PLCH2: variants seen among roughly 807,000 people sequenced by gnomAD.
PLCH2 encodes 1-phosphatidylinositol 4,5-bisphosphate phosphodiesterase eta-2.
PLCH2 carries 98 observed loss-of-function variants against 134.7 expected under a neutral mutation model. The observed-to-expected ratio is 0.73, with a 90% CI of 0.62 to 0.86. The LOEUF (loss-of-function observed/expected upper bound fraction) is 0.86. Among genes scored for constraint, PLCH2 ranks in the 40% least tolerant of loss-of-function variants. The probability of loss-of-function intolerance (pLI) is 0.00; values close to 1 mark genes in which losing one functional copy is unlikely to be tolerated. For synonymous variants in PLCH2, 974 were observed against 827.5 expected (o/e 1.18, Z -3.04); for missense variants, 1,994 against 1,986.6 (o/e 1.00, Z -0.07).
Position 2,498,161 on chromosome 1 carries a change from C to T in PLCH2, c.2225-362C>T. ...GTGGACCAGCTACTTCCACCTCTGC[C>T]CTTGGCTTGCCCTCCTCAGAGTTCT... On this transcript the variant is annotated intron_variant, in intron 16 of 21. Transcript: ENST00000378486. The surrounding 1 kb of genome is among the most constrained non-coding windows in gnomAD (Gnocchi z 5.4). 3.4e-6 allele frequency: 1 copy of T among 297,564 alleles called. No individual in the cohort carries two copies. Among genetic ancestry groups the T allele is most frequent in the Non-Finnish European group, 6.3e-6 (1 of 158,234 alleles). 18.4% of individuals were successfully genotyped at this position (297,564 alleles called of 1,614,324 possible).
Position 2,496,988 on chromosome 1 carries a change from C to T in PLCH2, c.2094C>T (p.Phe698=), listed in dbSNP as rs188411160. 442 of 1,613,240 alleles carry T rather than the reference C, an allele frequency of 2.7e-4. 1 individual carries two copies. The African/African-American group carries it at 5.3e-3, about 19-fold the overall frequency. ...VDSSNYNPQP[F]WNAGCQMVAL... ...CCAGCAACTACAACCCGCAGCCCTT[C>T]TGGAACGCCGGCTGCCAAATGGGTG... The change falls in exon 15 of 22, where the codon TTC becomes TTT. Residue 698 remains phenylalanine, a synonymous_variant. Coordinates refer to ENST00000378486, the MANE Select transcript of PLCH2 (RefSeq NM_014638.4).
upstream of PLCH2, among the ~76,000 whole-genome samples, chr1:2,475,140 C>T (rs542846195): frequency 1.3e-5 from 2 of 152,330 alleles, no homozygotes; most frequent in East Asian, 3.9e-4. Flanking sequence ...CAGTGGTCAG[C>T]TGGAGACGCA....
At chr1:2,420,979 GTCTC>G (rs1473732135), upstream of PLCH2, among the ~76,000 whole-genome samples, 1 of 148,324 alleles carries the variant, frequency 6.7e-6, no homozygotes, top group Non-Finnish European at 1.5e-5. Flanking sequence ...TTGAGACAGA[GTCTC>G]ACCCAGGCTG....
At chr1:2,421,997 G>A (rs1271600485), upstream of PLCH2, among the ~76,000 whole-genome samples, 2 of 136,750 alleles carry the variant, frequency 1.5e-5, no homozygotes, top group East Asian at 2.3e-4. Context: ...AAGGCCAGGC[G>A]CAGTGGCTCA....
intron 4 of PLCH2, 85 bp from the exon 5 acceptor site, chr1:2,484,363 T>G: frequency 7.4e-7 from 1 of 1,357,862 alleles, no homozygotes; most frequent in Non-Finnish European, 1.0e-6. Context: ...TGGTCTTGAC[T>G]GGGGAGTGGG....
At chr1:2,501,697 C>T (rs1402375942) in intron 20 of PLCH2, 3 of 182,346 alleles carry the variant, frequency 1.6e-5, no homozygotes, top group East Asian at 2.7e-4. Flanking sequence ...GGGAGTGCCA[C>T]GCCAGTGTCC....
intron 5 of PLCH2, 58 bp from the exon 6 acceptor site, chr1:2,486,849 T>A (rs976698373): frequency 9.4e-6 from 13 of 1,378,562 alleles, no homozygotes; most frequent in Non-Finnish European, 1.3e-5. Flanking sequence ...GGGAGCTGCC[T>A]GAGGCTATCC....
intron 2 of PLCH2, among the ~76,000 whole-genome samples, chr1:2,452,316 C>T (rs1299684395): frequency 6.6e-6 from 1 of 152,156 alleles, no homozygotes; most frequent in African/African-American, 2.4e-5. Context: ...CCCTGCCTGG[C>T]AGGTAGCAGC....
intron 20 of PLCH2, chr1:2,500,749 TG>T (rs1364463790): frequency 6.6e-6 from 1 of 151,686 alleles, no homozygotes; most frequent in African/African-American, 2.4e-5. Flanking sequence ...AGGGTTCAGC[TG>T]GGTGGCCGCC....
chr1:2,458,140 G>A (rs1199017815), intron 2 of PLCH2, among the ~76,000 whole-genome samples: 1 of 152,186 alleles, frequency 6.6e-6, no homozygotes, highest in Non-Finnish European at 1.5e-5. Context: ...AGCTCTGACA[G>A]CACAGGGAAG....
At position 2,504,840 on chromosome 1, in the gene PLCH2, G is replaced by A. The variant is rs755350198; in HGVS notation, c.3878G>A (p.Gly1293Glu). 1 of 1,605,850 alleles carries A rather than the reference G, an allele frequency of 6.2e-7. No homozygotes were observed. Among genetic ancestry groups the A allele is most frequent in the South Asian group, 1.1e-5 (1 of 90,496 alleles). ...PGGTRRVSGP[G>E]VRRDTLTEQL... The stretch of plus-strand genomic sequence containing the variant: ...GGGACACGGCGGGTGTCGGGGCCAG[G>A]GGTGAGACGGGACACCCTGACAGAG... The change falls in exon 22 of 22, where the codon GGG becomes GAG. Residue 1293 changes from glycine to glutamate, a missense_variant. Coordinates refer to ENST00000378486, the MANE Select transcript of PLCH2 (RefSeq NM_014638.4).
At chr1:2,472,654 C>T (rs1194493720), upstream of PLCH2, among the ~76,000 whole-genome samples, 1 of 152,168 alleles carries the variant, frequency 6.6e-6, no homozygotes, top group African/African-American at 2.4e-5. Flanking sequence ...AGGCACAGCC[C>T]TGTGGGGGCT....
chr1:2,499,588 G>T, intron 19 of PLCH2, 53 bp from the exon 20 acceptor site: 1 of 1,333,196 alleles, frequency 7.5e-7, no homozygotes, highest in East Asian at 2.5e-5. Context: ...CAGAGCAGGT[G>T]GGGGCCCTGG....
Position 2,484,458 on chromosome 1 carries a change from C to G in PLCH2, c.656C>G (p.Thr219Arg), listed in dbSNP as rs368105340. 1.2e-6 allele frequency: 2 copies of G among 1,613,168 alleles called. No homozygotes were observed. Among genetic ancestry groups the G allele is most frequent in the Admixed American group, 1.7e-5 (1 of 59,984 alleles). Residue 219 changes from threonine to arginine, a missense_variant, in exon 5 of 22, where the codon ACG becomes AGG. This residue lies in a region of PLCH2 where 1,094 missense variants were observed against 1,234.3 expected (regional missense o/e 0.89). Coordinates refer to ENST00000378486, the MANE Select transcript of PLCH2 (RefSeq NM_014638.4). ...RVKQMFREADTDDHQGTLGFE... is the reference protein window; with the variant it reads ...RVKQMFREADRDDHQGTLGFE... The stretch of plus-strand genomic sequence containing the variant: ...GGCCTTGCATTGCAGGAAGCGGACA[C>G]GGATGACCACCAAGGGACGCTGGGT...
chr1:2,462,241 T>C (rs1250985488), intron 2 of PLCH2, among the ~76,000 whole-genome samples: 1 of 54,728 alleles, frequency 1.8e-5, no homozygotes, highest in Non-Finnish European at 3.2e-5. Context: ...GCCTGACACC[T>C]CCTCTGATAC....
At chr1:2,484,720 T>G (rs2100673613) in intron 5 of PLCH2, 102 bp downstream of exon 5, 2 of 1,290,932 alleles carry the variant, frequency 1.5e-6, no homozygotes, top group East Asian at 2.4e-5. Flanking sequence ...GGGGGAGCTG[T>G]CTGAAGCTAT....
chr1:2,493,286 G>C (rs1373418238), intron 11 of PLCH2: 1 of 152,354 alleles, frequency 6.6e-6, no homozygotes, highest in Admixed American at 6.5e-5. Context: ...CGTGGCTCTG[G>C]GTCACTGCAG....
chr1:2,422,926 T>C (rs1179407989), upstream of PLCH2, among the ~76,000 whole-genome samples: 1 of 152,218 alleles, frequency 6.6e-6, no homozygotes, highest in Non-Finnish European at 1.5e-5. Context: ...AAAATATTGG[T>C]TTACTGAGTT....
Position 2,448,852 on chromosome 1 carries a change from C to T in PLCH2, c.115+18223C>T, listed in dbSNP as rs924653695. On this transcript the variant is annotated intron_variant, in intron 2 of 3. Coordinates refer to the PLCH2 transcript ENST00000609981. The surrounding 1 kb of genome is among the most constrained non-coding windows in gnomAD (Gnocchi z 4.0). ...CGGGCCTCACTCCATTCTTAGGGAG[C>T]GGCTGCTCCTGGTTCCCAACCACAA... 2.6e-5 allele frequency among the ~76,000 whole-genome samples: 4 copies of T among 152,186 alleles called. No homozygotes were observed. Among genetic ancestry groups the T allele is most frequent in the Admixed American group, 6.5e-5 (1 of 15,282 alleles).
Sources: gnomAD v4.1 joint callset for allele counts (sites outside exome capture counted in the v4.1 genomes callset) on GRCh38, gnomAD v4.1.1 for gene constraint, gnomAD v4.1.1 regional missense constraint, Gnocchi (gnomAD v3.1) non-coding constraint, MANE v1.5 for transcripts, NCBI Gene and HGNC (gene_info 2026-07-23, HGNC 2026-07-21) for gene names.